The following MYC variants were observed in gnomAD, a reference collection of about 807,000 sequenced individuals.
MYC encodes the protein MYC proto-oncogene, bHLH transcription factor.
Under a neutral mutation model 30.5 loss-of-function variants are expected in MYC, and 1 was observed. The ratio of observed to expected loss-of-function variants is 0.03; its 90% CI spans 0.01 to 0.16. MYC has a LOEUF of 0.16. MYC is among the 10% of genes least tolerant of loss of function. MYC has a pLI of 1.00. For synonymous variants in MYC, 267 were observed against 250.7 expected (o/e 1.07, Z -0.62); for missense variants, 508 against 589.0 (o/e 0.86, Z 1.42).
intron 2 of MYC, among the ~76,000 whole-genome samples, chr8:127,739,467 T>G (rs1813670851): frequency 6.6e-6 from 1 of 152,142 alleles, no homozygotes; most frequent in African/African-American, 2.4e-5. Context: ...AATGAGGGGC[T>G]GTGTTTAGAG....
At chr8:127,736,824 G>C (rs1292102656) in intron 1 of MYC, among the ~76,000 whole-genome samples, 1 of 152,196 alleles carries the variant, frequency 6.6e-6, no homozygotes, top group Non-Finnish European at 1.5e-5. Context: ...AGATGGGAGA[G>C]GAGAAGGCAG....
upstream of MYC, chr8:127,735,519 T>C (rs1813565868): frequency 5.0e-6 from 2 of 399,324 alleles, no homozygotes; most frequent in Non-Finnish European, 8.8e-6. Flanking sequence ...GTTTTCCTCC[T>C]TATGCCTCTA....
At position 127,738,895 on chromosome 8, in the gene MYC, A is replaced by T; in HGVS notation, c.678A>T (p.Gln226His). 6.2e-7 allele frequency: 1 copy of T among 1,611,790 alleles called. No homozygotes were observed. The highest frequency in any genetic ancestry group is 8.5e-7 in the Non-Finnish European group (1 of 1,180,000). Residue 226 changes from glutamine (Q) to histidine (H), a missense_variant, in exon 2 of 3, where the codon CAA becomes CAT. Gln to His is a conservative substitution (Grantham distance 24). Coordinates refer to ENST00000621592, the MANE Select transcript of MYC (RefSeq NM_002467.6). The surrounding 1 kb of genome is among the most constrained non-coding windows in gnomAD (Gnocchi z 7.6). ...GCTCGCCCAAGTCCTGCGCCTCGCAAGACTCCAGCGCCTTCTCTCCGTCCT... is the reference window on the plus strand; with the variant it reads ...GCTCGCCCAAGTCCTGCGCCTCGCATGACTCCAGCGCCTTCTCTCCGTCCT...
rs2130106316 is a variant in MYC at position 127,740,748 on chromosome 8, A to G, written c.1155A>G (p.Leu385=). ...TGGAGCGCCAGAGGAGGAACGAGCT[A>G]AAACGGAGCTTTTTTGCCCTGCGTG... Residue 385 remains leucine, a synonymous_variant, in exon 3 of 3, where the codon CTA becomes CTG. Coordinates refer to ENST00000621592, the MANE Select transcript of MYC (RefSeq NM_002467.6). 6.2e-7 allele frequency: 1 copy of G among 1,614,110 alleles called. No individual in the cohort carries two copies. The highest frequency in any genetic ancestry group is 1.3e-5 in the African/African-American group (1 of 75,004).
upstream of MYC, chr8:127,736,085 T>A (rs1813581663): frequency 2.3e-6 from 1 of 425,944 alleles, no homozygotes; most frequent in Admixed American, 3.9e-5. Flanking sequence ...CGAGCTGTGC[T>A]GCTCGCGGCC....
At chr8:127,735,835 T>C (rs1233325675), upstream of MYC, 18 of 398,430 alleles carry the variant, frequency 4.5e-5, no homozygotes, top group East Asian at 6.4e-4. Flanking sequence ...CAAAAGAAAA[T>C]GGTAGGCGCG....
At chr8:127,735,540 C>A, upstream of MYC, 1 of 399,062 alleles carries the variant, frequency 2.5e-6, no homozygotes. Flanking sequence ...TCATTCCTCC[C>A]TATCTACACT....
At chr8:127,739,402 A>G (rs975150429) in intron 2 of MYC, among the ~76,000 whole-genome samples, 5 of 152,200 alleles carry the variant, frequency 3.3e-5, no homozygotes, top group African/African-American at 4.8e-5. Flanking sequence ...GAGTGAATGA[A>G]TTGCTTCCCT....
At chr8:127,739,343 G>T (rs976838043) in intron 2 of MYC, among the ~76,000 whole-genome samples, 4 of 152,234 alleles carry the variant, frequency 2.6e-5, no homozygotes, top group African/African-American at 9.6e-5. Context: ...GCCCTGGGGC[G>T]GGGTGGCAGG....
chr8:127,736,052 G>C (rs1006196761), upstream of MYC: 1 of 399,450 alleles, frequency 2.5e-6, no homozygotes, highest in Non-Finnish European at 4.4e-6. Flanking sequence ...TATAATGCGA[G>C]GGTCTGGACG....
At position 127,736,570 on chromosome 8, in the gene MYC, G is replaced by A; in HGVS notation, c.-24G>A. The A allele has an allele frequency of 1.9e-6, 3 of 1,614,078 alleles. No individual in the cohort carries two copies. The South Asian group carries it at 3.3e-5, about 18-fold the overall frequency. On this transcript the variant is annotated 5_prime_UTR_variant, in exon 1 of 3. Transcript: ENST00000621592. ...CTGCCAGGACCCGCTTCTCTGAAAG[G>A]CTCTCCTTGCAGCTGCTTAGACGCT...
At position 127,740,752 on chromosome 8, in the gene MYC, C is replaced by A. The variant is rs1339946105; in HGVS notation, c.1159C>A (p.Arg387=). The A allele has an allele frequency of 6.2e-7, 1 of 1,614,006 alleles. No individual in the cohort carries two copies. Among genetic ancestry groups the A allele is most frequent in the Non-Finnish European group, 8.5e-7 (1 of 1,180,014 alleles). ...GCGCCAGAGGAGGAACGAGCTAAAA[C>A]GGAGCTTTTTTGCCCTGCGTGACCA... The change falls in exon 3 of 3, where the codon CGG becomes AGG. Residue 387 remains arginine, a synonymous_variant. Transcript: ENST00000621592.
In MYC at chr8:127,742,727, T is replaced by G. The variant is rs1416062962; in HGVS notation, c.*1769T>G. Among the ~76,000 whole-genome samples the G allele has an allele frequency of 1.3e-5, 2 of 152,236 alleles. No individual in the cohort carries two copies. Among genetic ancestry groups the G allele is most frequent in the Non-Finnish European group, 2.9e-5 (2 of 68,048 alleles). Reference sequence around the variant, plus strand: ...TTTACATACTCATGACACATGCTCATCCTGAGTCCTTGAAAAGGTATTTTT... The same window carrying G: ...TTTACATACTCATGACACATGCTCAGCCTGAGTCCTTGAAAAGGTATTTTT... On this transcript the variant is annotated 3_prime_UTR_variant, in exon 3 of 3. Coordinates refer to ENST00000621592, the MANE Select transcript of MYC (RefSeq NM_002467.6).
At position 127,740,537 on chromosome 8, in the gene MYC, G is replaced by A; in HGVS notation, c.944G>A (p.Cys315Tyr). Residue 315 changes from cysteine (C) to tyrosine (Y), a missense_variant, in exon 3 of 3, where the codon TGC becomes TAC. Transcript: ENST00000621592. ...CACAGCCCACTGGTCCTCAAGAGGT[G>A]CCACGTCTCCACACATCAGCACAAC... The A allele has an allele frequency of 6.2e-7, 1 of 1,614,076 alleles. No homozygotes were observed.
rs1054939672 is a variant in MYC at position 127,738,101 on chromosome 8, C to A, written c.31-147C>A. 1.1e-6 allele frequency: 1 copy of A among 926,258 alleles called. No individual in the cohort carries two copies. The highest frequency in any genetic ancestry group is 2.7e-5 in the East Asian group (1 of 37,482). 57.4% of individuals were successfully genotyped at this position (926,258 alleles called of 1,614,324 possible). A position where few individuals can be genotyped will look rare whatever the true frequency, so the allele number is the denominator to read the frequency against. Reference sequence around the variant, plus strand: ...GGTGAAAGGGTGCTCCCTTTATTCCCCCACCAAGACCACCCAGCCGCTTTA... The same window carrying A: ...GGTGAAAGGGTGCTCCCTTTATTCCACCACCAAGACCACCCAGCCGCTTTA... On this transcript the variant is annotated intron_variant, in intron 1 of 2. Transcript: ENST00000621592. This position sits in a 1 kb window ranked among gnomAD's most constrained non-coding sequence, Gnocchi z 7.6.
In MYC at chr8:127,738,559, G is replaced by A. The variant is rs779459976; in HGVS notation, c.342G>A (p.Leu114=). ...GGAGCTTCTCCACGGCCGACCAGCT[G>A]GAGATGGTGACCGAGCTGCTGGGAG... The change falls in exon 2 of 3, where the codon CTG becomes CTA. Residue 114 remains leucine, a synonymous_variant. Transcript: ENST00000621592. The surrounding 1 kb of genome is among the most constrained non-coding windows in gnomAD (Gnocchi z 7.6). The A allele has an allele frequency of 3.7e-6, 6 of 1,613,682 alleles. No homozygotes were observed. The highest frequency in any genetic ancestry group is 5.1e-6 in the Non-Finnish European group (6 of 1,179,780).
chr8:127,737,917 C>T (rs1166054640), intron 1 of MYC, among the ~76,000 whole-genome samples: 3 of 152,224 alleles, frequency 2.0e-5, no homozygotes, highest in Non-Finnish European at 4.4e-5. Context: ...CCTCCCGCGG[C>T]TTCTTAAGGG....
chr8:127,736,266 A>G lies in MYC; in HGVS notation c.-328A>G. The G allele has an allele frequency of 1.8e-6, 1 of 543,328 alleles. No individual in the cohort carries two copies. 33.7% of individuals were successfully genotyped at this position (543,328 alleles called of 1,614,324 possible). A position where few individuals can be genotyped will look rare whatever the true frequency, so the allele number is the denominator to read the frequency against. ...AGTAATTCCAGCGAGAGGCAGAGGG[A>G]GCGAGCGGGCGGCCGGCTAGGGTGG... On this transcript the variant is annotated 5_prime_UTR_variant, in exon 1 of 3. Coordinates refer to ENST00000621592, the MANE Select transcript of MYC (RefSeq NM_002467.6).
At chr8:127,737,713 A>C (rs1813623176) in intron 1 of MYC, among the ~76,000 whole-genome samples, 1 of 148,082 alleles carries the variant, frequency 6.8e-6, no homozygotes. Flanking sequence ...TGGAGAGGGA[A>C]GGTTGGGAGG....
Sources: allele counts gnomAD v4.1 joint callset (sites outside exome capture counted in the v4.1 genomes callset), GRCh38; gene constraint gnomAD v4.1.1; non-coding constraint Gnocchi (gnomAD v3.1); transcripts MANE v1.5; gene names NCBI Gene and HGNC (gene_info 2026-07-23, HGNC 2026-07-21).